SLC35D4: variants seen among roughly 807,000 people sequenced by gnomAD.
SLC35D4 encodes the protein solute carrier family 35 member D4, also known as UDP-N-acetylglucosamine transporter SLC35D4.
chr18:23,264,613 G>A, the SLC35D4 span, among the ~76,000 whole-genome samples: 1 of 151,842 alleles, frequency 6.6e-6, no homozygotes. Context: ...CGTCTGCCTC[G>A]GCCTCCCAAA....
At chr18:23,273,030 C>T in the SLC35D4 span, among the ~76,000 whole-genome samples, 20 of 152,182 alleles carry the variant, frequency 1.3e-4, no homozygotes, top group Admixed American at 9.8e-4. Context: ...ACCGGTGAGC[C>T]GCAATCAGCC....
At chr18:23,356,657 A>G in the SLC35D4 span, 4 of 1,614,144 alleles carry the variant, frequency 2.5e-6, no homozygotes, top group South Asian at 4.4e-5. The surrounding 1 kb of genome is among the most constrained non-coding windows in gnomAD (Gnocchi z 4.1). Flanking sequence ...GACGCTGAAG[A>G]GATCACCTGA....
the SLC35D4 span, among the ~76,000 whole-genome samples, chr18:23,337,932 A>G: frequency 3.3e-5 from 5 of 152,220 alleles, no homozygotes; most frequent in African/African-American, 1.2e-4. Context: ...GCTGAAATTA[A>G]CCAGCTGACT....
chr18:23,433,267 C>G, the SLC35D4 span, among the ~76,000 whole-genome samples: 1 of 152,058 alleles, frequency 6.6e-6, no homozygotes, highest in East Asian at 1.9e-4. Context: ...GATGATCCAC[C>G]TGTCTTGGTC....
At chr18:23,341,817 T>C in the SLC35D4 span, among the ~76,000 whole-genome samples, 1 of 152,174 alleles carries the variant, frequency 6.6e-6, no homozygotes, top group Non-Finnish European at 1.5e-5. Context: ...CCAATTTTCA[T>C]TTAAGAAGAA....
chr18:23,428,652 A>G, the SLC35D4 span, among the ~76,000 whole-genome samples: 4 of 151,692 alleles, frequency 2.6e-5, no homozygotes, highest in African/African-American at 9.7e-5. Context: ...TGAGTAGCTG[A>G]GACTACAGGT....
At chr18:23,264,807 G>A in the SLC35D4 span, among the ~76,000 whole-genome samples, 1 of 151,982 alleles carries the variant, frequency 6.6e-6, no homozygotes, top group Non-Finnish European at 1.5e-5. Context: ...GCCACGCCCA[G>A]CTGATTTTTG....
the SLC35D4 span, among the ~76,000 whole-genome samples, chr18:23,292,934 T>C: frequency 2.6e-5 from 4 of 152,122 alleles, no homozygotes; most frequent in Non-Finnish European, 4.4e-5. Context: ...CCAGTGTAGA[T>C]GAACTGCTCT....
the SLC35D4 span, among the ~76,000 whole-genome samples, chr18:23,285,537 A>C: frequency 3.3e-5 from 5 of 152,148 alleles, no homozygotes; most frequent in Admixed American, 6.6e-5. Context: ...TCTGAGGTGC[A>C]TGACGTCCAG....
chr18:23,321,862 C>T, the SLC35D4 span, among the ~76,000 whole-genome samples: 71 of 152,142 alleles, frequency 4.7e-4, no homozygotes, highest in Non-Finnish European at 8.8e-4. Context: ...TTTTGTATAC[C>T]CCAGCCTGGG....
the SLC35D4 span, among the ~76,000 whole-genome samples, chr18:23,412,302 G>A: frequency 6.6e-6 from 1 of 152,194 alleles, no homozygotes; most frequent in South Asian, 2.1e-4. Flanking sequence ...GGACAACAGA[G>A]CAAGACTCTG....
the SLC35D4 span, among the ~76,000 whole-genome samples, chr18:23,261,483 C>G: frequency 6.6e-6 from 1 of 151,736 alleles, no homozygotes; most frequent in African/African-American, 2.4e-5. Context: ...ATTAACTGGG[C>G]ATGGTGGTAC....
the SLC35D4 span, among the ~76,000 whole-genome samples, chr18:23,383,434 G>A: frequency 3.9e-5 from 6 of 152,044 alleles, 1 homozygote; most frequent in South Asian, 6.2e-4. Flanking sequence ...AGGAGAAAGC[G>A]GGGGGAATGG....
the SLC35D4 span, among the ~76,000 whole-genome samples, chr18:23,392,178 TCCA>T: frequency 6.6e-6 from 1 of 152,084 alleles, no homozygotes; most frequent in Non-Finnish European, 1.5e-5. Context: ...CCTCAGGTGA[TCCA>T]CCTGCCTTGG....
the SLC35D4 span, among the ~76,000 whole-genome samples, chr18:23,429,890 A>G: frequency 6.6e-6 from 1 of 152,112 alleles, no homozygotes; most frequent in African/African-American, 2.4e-5. Flanking sequence ...TAGGTTCCTT[A>G]TAGATTGTGG....
the SLC35D4 span, among the ~76,000 whole-genome samples, chr18:23,245,088 C>A: frequency 6.6e-6 from 1 of 152,122 alleles, no homozygotes; most frequent in Non-Finnish European, 1.5e-5. Flanking sequence ...TCCCGTTATA[C>A]CCCAGCCCAC....
the SLC35D4 span, among the ~76,000 whole-genome samples, chr18:23,294,082 C>T: frequency 6.6e-6 from 1 of 152,168 alleles, no homozygotes; most frequent in African/African-American, 2.4e-5. Context: ...CAGGCTTGAG[C>T]CACCGTGACT....
chr18:23,365,733 C>T, the SLC35D4 span: 1 of 1,583,294 alleles, frequency 6.3e-7, no homozygotes, highest in Non-Finnish European at 8.6e-7. Flanking sequence ...GCTGTTCCCA[C>T]ACATTTTACT....
chr18:23,410,828 G>A, the SLC35D4 span, among the ~76,000 whole-genome samples: 1 of 152,116 alleles, frequency 6.6e-6, no homozygotes, highest in Non-Finnish European at 1.5e-5. Context: ...TCATAACTGG[G>A]TACCAAATCA....
Sources: allele counts gnomAD v4.1 joint callset (sites outside exome capture counted in the v4.1 genomes callset), GRCh38; gene constraint gnomAD v4.1.1; non-coding constraint Gnocchi (gnomAD v3.1); transcripts MANE v1.5; gene names NCBI Gene and HGNC (gene_info 2026-07-23, HGNC 2026-07-21).